SPHKAP: variants seen among roughly 807,000 people sequenced by gnomAD.
SPHKAP encodes SPHK1 interactor, AKAP domain containing, also known as A-kinase anchor protein SPHKAP.
Under a neutral mutation model 137.5 loss-of-function variants are expected in SPHKAP, and 67 were observed. That is an observed-to-expected ratio of 0.49 (90% CI 0.40 to 0.60). The LOEUF is 0.60. Ranked by LOEUF, SPHKAP falls within the 20% of genes least tolerant of loss-of-function variation. The pLI is 0.00. For synonymous variants in SPHKAP, 813 were observed against 785.3 expected (o/e 1.04, Z -0.59); for missense variants, 2,097 against 2,069.3 (o/e 1.01, Z -0.26).
intron 7 of SPHKAP, among the ~76,000 whole-genome samples, chr2:228,011,593 C>T (rs573648663): frequency 3.3e-5 from 5 of 152,264 alleles, no homozygotes; most frequent in African/African-American, 9.6e-5. Flanking sequence ...TCATAAATGG[C>T]AGACAGCATT....
At chr2:228,080,701 C>G (rs984599173) in intron 3 of SPHKAP, among the ~76,000 whole-genome samples, 1 of 134,856 alleles carries the variant, frequency 7.4e-6, no homozygotes, top group Non-Finnish European at 1.6e-5. Context: ...GAGTGAAACT[C>G]TGTCTCAAAA....
intron 3 of SPHKAP, among the ~76,000 whole-genome samples, chr2:228,077,836 G>C (rs922255135): frequency 1.3e-5 from 2 of 152,120 alleles, no homozygotes; most frequent in Non-Finnish European, 2.9e-5. Flanking sequence ...TAGTTTGGCT[G>C]TGTCCCCACC....
At chr2:228,130,851 A>G (rs1289946070) in intron 2 of SPHKAP, among the ~76,000 whole-genome samples, 1 of 152,164 alleles carries the variant, frequency 6.6e-6, no homozygotes, top group Non-Finnish European at 1.5e-5. Flanking sequence ...AGGAATTTAT[A>G]AGAGGAGAAA....
At chr2:228,068,638 A>C (rs1488286320) in intron 3 of SPHKAP, among the ~76,000 whole-genome samples, 1 of 152,244 alleles carries the variant, frequency 6.6e-6, no homozygotes, top group East Asian at 1.9e-4. Flanking sequence ...TTGGATATCC[A>C]TATGCAGAAG....
intron 3 of SPHKAP, among the ~76,000 whole-genome samples, chr2:228,028,577 T>A (rs1175447066): frequency 6.6e-6 from 1 of 152,252 alleles, no homozygotes; most frequent in East Asian, 1.9e-4. Flanking sequence ...TTACTGTTTT[T>A]ACCTTTTCTA....
intron 2 of SPHKAP, among the ~76,000 whole-genome samples, chr2:228,112,517 G>A (rs1435709195): frequency 6.6e-6 from 1 of 152,084 alleles, no homozygotes; most frequent in Non-Finnish European, 1.5e-5. Flanking sequence ...AGTTCGAAAC[G>A]CAATTCACTT....
intron 7 of SPHKAP, among the ~76,000 whole-genome samples, chr2:228,004,672 G>A (rs539451749): frequency 8.6e-5 from 13 of 151,822 alleles, no homozygotes; most frequent in Admixed American, 2.0e-4. Context: ...TAGGTCTTTC[G>A]TGCTTTCTCT....
At chr2:228,034,018 A>G (rs10198352) in intron 3 of SPHKAP, among the ~76,000 whole-genome samples, 58,199 of 152,038 alleles carry the variant, frequency 0.38, 11,605 homozygotes, top group South Asian at 0.51. Context: ...AAGGCAAGAA[A>G]TAACTACAAT....
intron 1 of SPHKAP, among the ~76,000 whole-genome samples, chr2:228,157,602 T>C (rs1700144043): frequency 6.6e-6 from 1 of 152,186 alleles, no homozygotes; most frequent in African/African-American, 2.4e-5. Context: ...TTAATAGACT[T>C]CTCTTTCAGA....
intron 3 of SPHKAP, among the ~76,000 whole-genome samples, chr2:228,058,231 C>CA (rs1488407948): frequency 6.6e-6 from 1 of 152,158 alleles, no homozygotes; most frequent in Non-Finnish European, 1.5e-5. Context: ...GTCAAGCTTC[C>CA]ATTTTTTTGG....
At chr2:227,981,974 G>A in intron 11 of SPHKAP, 114 bp from the exon 12 acceptor site, 1 of 1,384,132 alleles carries the variant, frequency 7.2e-7, no homozygotes, top group Non-Finnish European at 9.4e-7. Flanking sequence ...AATGTCTCTA[G>A]TGTCAGAGGA....
chr2:228,112,452 T>G (rs1698549633), intron 2 of SPHKAP, among the ~76,000 whole-genome samples: 1 of 152,132 alleles, frequency 6.6e-6, no homozygotes. Context: ...AACAAAATAT[T>G]TCAACAGAGA....
At position 227,981,646 on chromosome 2, in the gene SPHKAP, C is replaced by T; in HGVS notation, c.*71G>A. ...TGTGATGTTTTGAGAATGTTTAGAG[C>T]ATTTAGAACAAACCACTGTAATCTA... On this transcript the variant is annotated 3_prime_UTR_variant, in exon 12 of 12. Coordinates refer to ENST00000392056, the MANE Select transcript of SPHKAP (RefSeq NM_001142644.2). 1.3e-6 allele frequency: 2 copies of T among 1,520,042 alleles called. No individual in the cohort carries two copies. The highest frequency in any genetic ancestry group is 1.3e-5 in the South Asian group (1 of 76,524). The allele number at this position is 1,520,042 out of a possible 1,614,324, so 94.2% of individuals were successfully genotyped here.
chr2:228,171,057 AAGG>A (rs1401052572), intron 1 of SPHKAP, among the ~76,000 whole-genome samples: 1 of 152,158 alleles, frequency 6.6e-6, no homozygotes, highest in Non-Finnish European at 1.5e-5. Flanking sequence ...GAAGTGAAAT[AAGG>A]AGGTGAGAAA....
chr2:228,079,694 TA>T (rs1697298820), intron 3 of SPHKAP, among the ~76,000 whole-genome samples: 1 of 152,164 alleles, frequency 6.6e-6, no homozygotes, highest in African/African-American at 2.4e-5. Context: ...CCTGTGGACC[TA>T]GGGTTCAGCA....
chr2:228,119,486 C>T (rs1051847818), intron 2 of SPHKAP, among the ~76,000 whole-genome samples: 1 of 151,970 alleles, frequency 6.6e-6, no homozygotes, highest in Non-Finnish European at 1.5e-5. Context: ...CTCTCTCTCT[C>T]TCTCTCTCTC....
chr2:228,165,398 G>A (rs1462772999), intron 1 of SPHKAP, among the ~76,000 whole-genome samples: 1 of 152,180 alleles, frequency 6.6e-6, no homozygotes, highest in African/African-American at 2.4e-5. Context: ...TCAAGGGCCT[G>A]CTTTCTTCCT....
chr2:228,035,247 A>G (rs1221857723), intron 3 of SPHKAP, among the ~76,000 whole-genome samples: 1 of 58,400 alleles, frequency 1.7e-5, no homozygotes, highest in Non-Finnish European at 3.4e-5. Flanking sequence ...ACAGACAAAC[A>G]GAGAGCCAAA....
At chr2:228,094,207 G>A (rs532079179) in intron 3 of SPHKAP, among the ~76,000 whole-genome samples, 5 of 152,030 alleles carry the variant, frequency 3.3e-5, no homozygotes, top group African/African-American at 9.7e-5. Context: ...TATTTGGAGC[G>A]GGGAACCAAC....
Sources: gnomAD v4.1 joint callset for allele counts (sites outside exome capture counted in the v4.1 genomes callset) on GRCh38, gnomAD v4.1.1 for gene constraint, MANE v1.5 for transcripts, NCBI Gene and HGNC (gene_info 2026-07-23, HGNC 2026-07-21) for gene names.